PCSK5: variants seen among roughly 807,000 people sequenced by gnomAD.
PCSK5 encodes the protein prohormone convertase 5.
A neutral mutation model predicts 233.2 loss-of-function variants in PCSK5; 129 were observed. That is an observed-to-expected ratio of 0.55 (90% CI 0.48 to 0.64). The LOEUF (loss-of-function observed/expected upper bound fraction) is 0.64. Among genes scored for constraint, PCSK5 ranks in the 30% least tolerant of loss-of-function variants. The pLI is 0.00. For missense variants in PCSK5, 2,076 were observed against 2,430.1 expected, an observed-to-expected ratio of 0.85 and a Z score of 3.06; for synonymous variants, 825 against 879.2, an observed-to-expected ratio of 0.94 and a Z score of 1.09.
At chr9:76,324,721 AAAAT>A (rs1378595125) in intron 32 of PCSK5, among the ~76,000 whole-genome samples, 1 of 152,192 alleles carries the variant, frequency 6.6e-6, no homozygotes, top group African/African-American at 2.4e-5. Flanking sequence ...AAGGAACAGA[AAAAT>A]AAAATAAGTT....
At chr9:76,187,083 C>T (rs941975135) in intron 17 of PCSK5, among the ~76,000 whole-genome samples, 4 of 152,018 alleles carry the variant, frequency 2.6e-5, no homozygotes, top group African/African-American at 7.2e-5. Flanking sequence ...GGGGACTGTT[C>T]GGGTTTCTTT....
chr9:76,357,286 C>T (rs767579039), intron 37 of PCSK5, among the ~76,000 whole-genome samples: 13 of 151,966 alleles, frequency 8.6e-5, no homozygotes, highest in East Asian at 1.9e-4. Flanking sequence ...TTTGGGAGGC[C>T]GAGGGTGATC....
At chr9:76,311,915 C>T (rs968426940) in intron 30 of PCSK5, among the ~76,000 whole-genome samples, 1 of 152,144 alleles carries the variant, frequency 6.6e-6, no homozygotes, top group Non-Finnish European at 1.5e-5. Flanking sequence ...GGGATGTTTC[C>T]CCTTGTTTAT....
rs996018255 is a variant in PCSK5, at chr9:76,120,162, A to G, written c.1208+12811A>G. ...TTTTTATAGGGATCCTATTTGCCCA[A>G]TGTCATTTGTTAAGTAATCTATCTC... On this transcript the variant is annotated intron_variant, in intron 9 of 37. Transcript: ENST00000674117. 8.5e-5 allele frequency among the ~76,000 whole-genome samples: 13 copies of G among 152,084 alleles called. 1 individual carries two copies. Among genetic ancestry groups the G allele is most frequent in the Admixed American group, 3.3e-4 (5 of 15,266 alleles).
At chr9:76,025,728 CT>C (rs1209449862) in intron 4 of PCSK5, among the ~76,000 whole-genome samples, 1 of 152,098 alleles carries the variant, frequency 6.6e-6, no homozygotes, top group Non-Finnish European at 1.5e-5. Context: ...TCCTTATACT[CT>C]TGTATCTTTC....
chr9:76,109,115 TATTAA>T (rs958874012), intron 9 of PCSK5, among the ~76,000 whole-genome samples: 2 of 152,242 alleles, frequency 1.3e-5, no homozygotes, highest in Admixed American at 6.5e-5. Flanking sequence ...GCACTTATCC[TATTAA>T]ATTCTCACTT....
chr9:76,119,281 G>GT (rs1438753529), intron 9 of PCSK5, among the ~76,000 whole-genome samples: 1 of 151,908 alleles, frequency 6.6e-6, no homozygotes, highest in Non-Finnish European at 1.5e-5. Context: ...TACAGCAAAT[G>GT]TTTTTTAATT....
At chr9:76,024,475 CCTT>C (rs1828334429) in intron 4 of PCSK5, among the ~76,000 whole-genome samples, 1 of 152,174 alleles carries the variant, frequency 6.6e-6, no homozygotes, top group Non-Finnish European at 1.5e-5. Flanking sequence ...TTAGTCTCCT[CCTT>C]TGATAGGAGA....
chr9:76,046,148 A>AT (rs1394469324), intron 5 of PCSK5, among the ~76,000 whole-genome samples: 5 of 102,338 alleles, frequency 4.9e-5, no homozygotes, highest in African/African-American at 1.5e-4. Context: ...TTAACACATA[A>AT]TTTTTTCTTT....
chr9:76,086,784 G>C lies in PCSK5; in HGVS notation c.895-9106G>C, dbSNP rs538165766. 2.0e-5 allele frequency among the ~76,000 whole-genome samples: 3 copies of C among 152,222 alleles called. No individual in the cohort carries two copies. The East Asian group carries it at 5.8e-4, about 29-fold the overall frequency. On this transcript the variant is annotated intron_variant, in intron 7 of 37. Transcript: ENST00000674117. Reference sequence around the variant, plus strand: ...CCAGCCTAGCCTCTAACTGGCTCTGGTAACATCATTTCCTTAGTTCCCTTA... The same window carrying C: ...CCAGCCTAGCCTCTAACTGGCTCTGCTAACATCATTTCCTTAGTTCCCTTA...
chr9:76,058,769 G>A (rs1829918408), intron 5 of PCSK5, among the ~76,000 whole-genome samples: 1 of 152,180 alleles, frequency 6.6e-6, no homozygotes, highest in South Asian at 2.1e-4. Context: ...TACTGTATAT[G>A]TTTAAAGAAT....
At chr9:76,141,574 C>G (rs7041668) in intron 10 of PCSK5, among the ~76,000 whole-genome samples, 48,380 of 151,576 alleles carry the variant, frequency 0.32, 8,913 homozygotes, top group East Asian at 0.6. Flanking sequence ...TCACCACAGT[C>G]GAGTTATAGA....
chr9:76,232,513 A>T (rs1224464800), intron 21 of PCSK5, among the ~76,000 whole-genome samples: 1 of 152,212 alleles, frequency 6.6e-6, no homozygotes, highest in East Asian at 1.9e-4. Context: ...CAGCACTGGC[A>T]TCATCTGGAA....
intron 9 of PCSK5, among the ~76,000 whole-genome samples, chr9:76,113,020 A>G (rs544460282): frequency 8.5e-5 from 13 of 152,212 alleles, no homozygotes; most frequent in African/African-American, 1.2e-4. Context: ...GTACAATGGA[A>G]CTGAGTCCTA....
chr9:75,934,615 C>G (rs927154342), intron 2 of PCSK5, among the ~76,000 whole-genome samples: 7 of 151,322 alleles, frequency 4.6e-5, no homozygotes, highest in Non-Finnish European at 1.5e-5. Flanking sequence ...GAGTCTCACT[C>G]TTATTGCCCA....
intron 28 of PCSK5, among the ~76,000 whole-genome samples, chr9:76,303,791 G>C (rs1171914800): frequency 6.6e-6 from 1 of 152,184 alleles, no homozygotes; most frequent in Non-Finnish European, 1.5e-5. Context: ...CTGTGGCCAA[G>C]GTGGCTCTGC....
At chr9:75,947,668 C>G (rs1019692840) in intron 2 of PCSK5, among the ~76,000 whole-genome samples, 1 of 152,156 alleles carries the variant, frequency 6.6e-6, no homozygotes, top group African/African-American at 2.4e-5. Flanking sequence ...TTCAGACTTA[C>G]TCCTGGCAGT....
chr9:76,136,011 T>C (rs1458082067), intron 10 of PCSK5, among the ~76,000 whole-genome samples: 1 of 152,058 alleles, frequency 6.6e-6, no homozygotes, highest in Non-Finnish European at 1.5e-5. Flanking sequence ...TGTGCACTGC[T>C]TTAAGGAGGA....
chr9:76,165,315 T>C (rs1426134175), intron 12 of PCSK5, among the ~76,000 whole-genome samples: 1 of 152,208 alleles, frequency 6.6e-6, no homozygotes, highest in Admixed American at 6.5e-5. Flanking sequence ...GAAATTAAGA[T>C]CCATTTACAA....
Sources: gnomAD v4.1 joint callset for allele counts (sites outside exome capture counted in the v4.1 genomes callset) on GRCh38, gnomAD v4.1.1 for gene constraint, MANE v1.5 for transcripts, NCBI Gene and HGNC (gene_info 2026-07-23, HGNC 2026-07-21) for gene names.